KPNB1: variants seen among roughly 807,000 people sequenced by gnomAD.
The protein encoded by KPNB1 is karyopherin subunit beta 1.
Under a neutral mutation model 113.0 loss-of-function variants are expected in KPNB1, and 7 were observed. That is an observed-to-expected ratio of 0.06 (90% CI 0.04 to 0.12). The LOEUF (loss-of-function observed/expected upper bound fraction) is 0.12. Among genes scored for constraint, KPNB1 ranks in the 10% least tolerant of loss-of-function variants. The pLI is 1.00. For synonymous variants in KPNB1, 363 were observed against 378.6 expected (o/e 0.96, Z 0.48); for missense variants, 400 against 1,054.8 (o/e 0.38, Z 8.60).
In KPNB1 at chr17:47,660,005, C is replaced by G. The variant is rs527862574; in HGVS notation, c.637-1114C>G. Among the ~76,000 whole-genome samples the G allele has an allele frequency of 3.3e-5, 5 of 152,184 alleles. No homozygotes were observed. In the East Asian group the frequency reaches 9.6e-4, roughly 29 times the overall value. On this transcript the variant is annotated intron_variant, in intron 5 of 21. Transcript: ENST00000290158. ...TAACATAAAATTTACCATCTTAAAT[C>G]ATTTTTAAATGTATAGTTAGTTAAG...
intron 9 of KPNB1, among the ~76,000 whole-genome samples, chr17:47,665,541 C>A (rs925241004): frequency 3.9e-5 from 6 of 152,172 alleles, no homozygotes; most frequent in African/African-American, 1.4e-4. Context: ...TTCGTGAGTT[C>A]ACAGGGTGTA....
chr17:47,657,722 G>A (rs1049701152), intron 4 of KPNB1, among the ~76,000 whole-genome samples: 5 of 152,312 alleles, frequency 3.3e-5, no homozygotes, highest in Admixed American at 2.6e-4. Flanking sequence ...GGAGGAAAGC[G>A]AATATTACCT....
chr17:47,678,112 A>G lies in KPNB1; in HGVS notation c.2170A>G (p.Ile724Val). The change falls in exon 18 of 22, where the codon ATT (isoleucine) becomes GTT (valine). Residue 724 changes from isoleucine (I) to valine (V), a missense_variant. Ile to Val is a conservative substitution (Grantham distance 29). This residue lies in a region of KPNB1 where 115 missense variants were observed against 427.9 expected (regional missense o/e 0.27). Transcript: ENST00000290158. ...LSVFGDIALA[I>V]GGEFKKYLEV... ...AGTGTTTGGTGATATTGCCCTTGCT[A>G]TTGGAGGAGAGTTTAAAAAATACTT... The G allele has an allele frequency of 6.2e-7, 1 of 1,614,064 alleles. No homozygotes were observed. Among genetic ancestry groups the G allele is most frequent in the Non-Finnish European group, 8.5e-7 (1 of 1,179,920 alleles).
At chr17:47,665,203 C>T (rs1739130374) in intron 9 of KPNB1, 45 bp downstream of exon 9, 1 of 1,457,266 alleles carries the variant, frequency 6.9e-7, no homozygotes, top group East Asian at 2.3e-5. Context: ...TGGAACCTTA[C>T]TAAGAGTAAA....
intron 5 of KPNB1, 119 bp downstream of exon 5, chr17:47,658,779 A>G: frequency 1.2e-6 from 1 of 815,304 alleles, no homozygotes; most frequent in Non-Finnish European, 1.9e-6. Context: ...ACTTAAAAGT[A>G]TTTGTTTCCA....
At chr17:47,655,250 A>T (rs1262020215) in intron 3 of KPNB1, among the ~76,000 whole-genome samples, 1 of 152,206 alleles carries the variant, frequency 6.6e-6, no homozygotes. Context: ...CTCTAGGTCA[A>T]TTGTGGCTTC....
chr17:47,668,186 G>A lies in KPNB1; in HGVS notation c.1000G>A (p.Asp334Asn). Reference protein sequence around the residue: ...PILTQTLTKQDENDDDDDWNP... With the variant: ...PILTQTLTKQNENDDDDDWNP... ...AACTAGTGCCATATTCTTTCACCAG[G>A]ACGAAAATGATGATGACGATGACTG... The change falls in exon 10 of 22, where the codon GAC (aspartate) becomes AAC (asparagine). Residue 334 changes from aspartate to asparagine, a missense_variant and splice_region_variant. Coordinates refer to ENST00000290158, the MANE Select transcript of KPNB1 (RefSeq NM_002265.6). 6.2e-7 allele frequency: 1 copy of A among 1,612,962 alleles called. No homozygotes were observed. The highest frequency in any genetic ancestry group is 8.5e-7 in the Non-Finnish European group (1 of 1,179,058).
chr17:47,679,739 T>C (rs938590295), intron 19 of KPNB1: 20 of 244,852 alleles, frequency 8.2e-5, no homozygotes, highest in Admixed American at 1.5e-4. Context: ...CTCTGTCGCC[T>C]AGGCTGGAGC....
chr17:47,682,755 G>A lies in KPNB1; in HGVS notation c.*351G>A. 1 of 302,912 alleles carries A rather than the reference G, an allele frequency of 3.3e-6. No homozygotes were observed. The highest frequency in any genetic ancestry group is 6.2e-6 in the Non-Finnish European group (1 of 160,570). 18.8% of individuals were successfully genotyped at this position (302,912 alleles called of 1,614,324 possible). ...TTTTCTGTCTTTTGGCCAGTGCCGA[G>A]TGGAATGCCTGGTTTGGGGGAGGAG... On this transcript the variant is annotated 3_prime_UTR_variant, in exon 22 of 22. Coordinates refer to ENST00000290158, the MANE Select transcript of KPNB1 (RefSeq NM_002265.6).
At chr17:47,673,617 A>G in intron 14 of KPNB1, 56 bp downstream of exon 14, 1 of 1,296,142 alleles carries the variant, frequency 7.7e-7, no homozygotes, top group Non-Finnish European at 1.1e-6. Flanking sequence ...TTAGTATCTC[A>G]GTATAACAAG....
At chr17:47,673,626 A>C in intron 14 of KPNB1, 65 bp downstream of exon 14, 3 of 1,234,298 alleles carry the variant, frequency 2.4e-6, no homozygotes, top group Non-Finnish European at 3.6e-6. Context: ...CAGTATAACA[A>C]GTTCGTGTAC....
rs143570655 is a variant in KPNB1 at position 47,667,462 on chromosome 17, T to G, written c.1000-724T>G. Among the ~76,000 whole-genome samples the G allele has an allele frequency of 2.9e-3, 436 of 152,044 alleles. 2 individuals carry two copies. Among genetic ancestry groups the G allele is most frequent in the Non-Finnish European group, 3.9e-3 (262 of 67,964 alleles). On this transcript the variant is annotated intron_variant, in intron 9 of 21. Transcript: ENST00000290158. The stretch of plus-strand genomic sequence containing the variant: ...TTTGAACTTTTGATTGAATCATGTC[T>G]TCTTCCCAGTCATGAAACTCCCTTA...
At chr17:47,680,426 C>T in intron 20 of KPNB1, 82 bp from the exon 21 acceptor site, 1 of 1,481,760 alleles carries the variant, frequency 6.7e-7, no homozygotes, top group South Asian at 1.2e-5. Context: ...CTAAGAAACC[C>T]ATAGCACTGG....
Position 47,658,576 on chromosome 17 carries a change from A to G in KPNB1, c.552A>G (p.Glu184=). ...CCATAATCCAGGGGATGAGGAAAGA[A>G]GAGCCTAGTAATAATGTGAAGCTAG... ...LTAIIQGMRK[E]EPSNNVKLAA... The change falls in exon 5 of 22, where the codon GAA becomes GAG. Residue 184 remains glutamate (E), a synonymous_variant. Transcript: ENST00000290158. 1 of 1,613,904 alleles carries G rather than the reference A, an allele frequency of 6.2e-7. No homozygotes were observed. Among genetic ancestry groups the G allele is most frequent in the South Asian group, 1.1e-5 (1 of 91,074 alleles).
chr17:47,684,367 G>C lies in KPNB1; in HGVS notation c.*1963G>C, dbSNP rs1460739498. 6.6e-6 allele frequency: 1 copy of C among 151,958 alleles called. No individual in the cohort carries two copies. Among genetic ancestry groups the C allele is most frequent in the Admixed American group, 6.6e-5 (1 of 15,260 alleles). The allele number at this position is 151,958 out of a possible 1,614,324, so 9.4% of individuals were successfully genotyped here. A position where few individuals can be genotyped will look rare whatever the true frequency, so the allele number is the denominator to read the frequency against. On this transcript the variant is annotated 3_prime_UTR_variant, in exon 22 of 22. Coordinates refer to ENST00000290158, the MANE Select transcript of KPNB1 (RefSeq NM_002265.6). ...AGTGTACAAAAAAAAAAAAATCCAG[G>C]TATTTGAAGGAGAGACGCTCCATTG...
chr17:47,654,556 A>G (rs575002113), intron 3 of KPNB1, among the ~76,000 whole-genome samples: 1 of 151,978 alleles, frequency 6.6e-6, no homozygotes, highest in African/African-American at 2.4e-5. Context: ...ACTGTTGGTG[A>G]TCTTTTTTGA....
rs1026357334 is a variant in KPNB1, at chr17:47,672,962, G to A, written c.1548-56G>A. On this transcript the variant is annotated intron_variant, in intron 12 of 21. Coordinates refer to ENST00000290158, the MANE Select transcript of KPNB1 (RefSeq NM_002265.6). ...TTATTTTTGGCAAGACATTGTCTAT[G>A]TTCTTCCCTGTCCTTTTCATTTGAG... 6 of 1,544,230 alleles carry A rather than the reference G, an allele frequency of 3.9e-6. No individual in the cohort carries two copies. In the African/African-American group the frequency reaches 4.1e-5, roughly 11 times the overall value.
At position 47,670,787 on chromosome 17, in the gene KPNB1, C is replaced by A; in HGVS notation, c.1502C>A (p.Ser501Tyr). 1 of 1,612,972 alleles carries A rather than the reference C, an allele frequency of 6.2e-7. No homozygotes were observed. Among genetic ancestry groups the A allele is most frequent in the Non-Finnish European group, 8.5e-7 (1 of 1,178,964 alleles). Residue 501 changes from serine to tyrosine, a missense_variant, in exon 12 of 22, where the codon TCT (serine) becomes TAT (tyrosine). Physicochemically the swap from Ser to Tyr is moderately radical, Grantham distance 144 (BLOSUM62 -2). Transcript: ENST00000290158. ...QEEPATYCLS[S>Y]SFELIVQKLL... Reference sequence around the variant, plus strand: ...GAACCAGCTACTTACTGCTTATCTTCTTCATTTGAACTCATAGTTCAGAAG... The same window carrying A: ...GAACCAGCTACTTACTGCTTATCTTATTCATTTGAACTCATAGTTCAGAAG...
chr17:47,666,272 C>T (rs1309287534), intron 9 of KPNB1, among the ~76,000 whole-genome samples: 5 of 151,126 alleles, frequency 3.3e-5, no homozygotes, highest in Admixed American at 6.6e-5. Context: ...AGGCTGGTCT[C>T]GAACTCCTGA....
Sources: allele counts gnomAD v4.1 joint callset (sites outside exome capture counted in the v4.1 genomes callset), GRCh38; gene constraint gnomAD v4.1.1; regional missense constraint gnomAD v4.1.1; transcripts MANE v1.5; gene names NCBI Gene and HGNC (gene_info 2026-07-23, HGNC 2026-07-21).